Variants in NOD2 observed in about 807,000 individuals in gnomAD.
NOD2 encodes the protein nucleotide binding oligomerization domain containing 2, also known as nucleotide-binding oligomerization domain-containing protein 2.
A neutral mutation model predicts 90.9 loss-of-function variants in NOD2; 86 were observed. The observed-to-expected ratio is 0.95, with a 90% confidence interval of 0.79 to 1.13. The LOEUF is 1.13. Ranked by LOEUF, NOD2 falls within the 50% of genes most tolerant of loss-of-function variation. The pLI is 0.00. For synonymous variants in NOD2, 581 were observed against 554.6 expected (o/e 1.05, Z -0.67); for missense variants, 1,238 against 1,283.8 (o/e 0.96, Z 0.55).
At chr16:50,714,912 C>A (rs984151375) in intron 4 of NOD2, among the ~76,000 whole-genome samples, 2 of 152,158 alleles carry the variant, frequency 1.3e-5, no homozygotes, top group Non-Finnish European at 2.9e-5. Flanking sequence ...GCACGCACCA[C>A]CATGTAAACA....
Position 50,723,305 on chromosome 16 carries a change from G to A in NOD2, c.2722G>A (p.Val908Met), listed in dbSNP as rs746911440. 3.1e-6 allele frequency: 5 copies of A among 1,613,796 alleles called. No individual in the cohort carries two copies. Among genetic ancestry groups the A allele is most frequent in the African/African-American group, 1.3e-5 (1 of 75,000 alleles). Residue 908 changes from valine to methionine, a missense_variant, in exon 9 of 12, where the codon GTG becomes ATG. By Grantham distance (21) the Val-to-Met change is conservative. Around this residue, in one of 3 missense-constraint regions of NOD2, gnomAD observed 667 missense variants for 688.7 expected, o/e 0.97. Transcript: ENST00000647318. Reference sequence around the variant, plus strand: ...TTGTTCCATGATTACCTCCAGCCTGGTGGGGAACAACATTGGCAGTGTGGG... The same window carrying A: ...TTGTTCCATGATTACCTCCAGCCTGATGGGGAACAACATTGGCAGTGTGGG... ...DHQSLRWLSL[V>M]GNNIGSVGAQ...
In NOD2 at chr16:50,712,100, C is replaced by T. The variant is rs375016055; in HGVS notation, c.2108C>T (p.Ala703Val). 3.7e-6 allele frequency: 6 copies of T among 1,613,822 alleles called. No individual in the cohort carries two copies. The African/African-American group carries it at 8.0e-5, about 22-fold the overall frequency. The change falls in exon 4 of 12, where the codon GCC becomes GTC. Residue 703 changes from alanine (A) to valine (V), a missense_variant. Ala to Val is a moderately conservative substitution (Grantham distance 64). Coordinates refer to ENST00000647318, the MANE Select transcript of NOD2 (RefSeq NM_001370466.1). ...HSIPPAAPGE[A>V]KSVHAMPGFI... ...ATCCCGCCAGCTGCACCGGGTGAGG[C>T]CAAGAGCGTGCATGCCATGCCCGGG...
rs117149242 is a variant in NOD2 at position 50,706,457 on chromosome 16, G to A, written c.460-1398G>A. Among the ~76,000 whole-genome samples, 112 of 152,202 alleles carry A rather than the reference G, an allele frequency of 7.4e-4. No homozygotes were observed. In the East Asian group the frequency reaches 0.021, roughly 29 times the overall value. ...TGTGGGGGCAGGAACAGAAGCAGGG[G>A]GACCAGTTTTGCAGCCTGTGCAGCT... On this transcript the variant is annotated intron_variant, in intron 2 of 11. Transcript: ENST00000647318.
At chr16:50,709,001 A>G (rs1964331743) in intron 3 of NOD2, among the ~76,000 whole-genome samples, 1 of 152,224 alleles carries the variant, frequency 6.6e-6, no homozygotes, top group Admixed American at 6.5e-5. Context: ...AAGATTCCCC[A>G]CACTTCTAAA....
At chr16:50,725,042 T>G (rs989417233) in intron 9 of NOD2, among the ~76,000 whole-genome samples, 1 of 152,222 alleles carries the variant, frequency 6.6e-6, no homozygotes, top group Non-Finnish European at 1.5e-5. Context: ...AGGAAAGCCA[T>G]CTGGGTTCTC....
At chr16:50,709,909 A>C (rs1423838243) in intron 3 of NOD2, 1 of 452,364 alleles carries the variant, frequency 2.2e-6, no homozygotes, top group East Asian at 7.0e-5. Context: ...TCCTGAAAAA[A>C]TCCTTCCAGG....
chr16:50,704,028 T>C (rs1213204652), intron 2 of NOD2, among the ~76,000 whole-genome samples: 1 of 152,038 alleles, frequency 6.6e-6, no homozygotes, highest in Non-Finnish European at 1.5e-5. Context: ...TCCTGTGGAG[T>C]GAAATGAATG....
chr16:50,708,597 A>C (rs1964311639), intron 3 of NOD2, among the ~76,000 whole-genome samples: 2 of 152,312 alleles, frequency 1.3e-5, no homozygotes, highest in South Asian at 4.1e-4. Flanking sequence ...CTGATTGTAA[A>C]TTGTCCCCAC....
intron 3 of NOD2, 37 bp downstream of exon 3, chr16:50,707,997 G>A: frequency 7.3e-7 from 1 of 1,362,960 alleles, no homozygotes. Flanking sequence ...AAAGGGAAGG[G>A]CAGTCAGTGC....
In NOD2 at chr16:50,711,176, T is replaced by G. The variant is rs768497619; in HGVS notation, c.1184T>G (p.Val395Gly). The G allele has an allele frequency of 3.7e-6, 6 of 1,613,974 alleles. No individual in the cohort carries two copies. In the Admixed American group the frequency reaches 5.0e-5, roughly 13 times the overall value. Residue 395 changes from valine (V) to glycine (G), a missense_variant, in exon 4 of 12, where the codon GTG (valine) becomes GGG (glycine). Coordinates refer to ENST00000647318, the MANE Select transcript of NOD2 (RefSeq NM_001370466.1). Reference protein sequence around the residue: ...QGNLLKNARKVVTSRPAAVSA... With the variant: ...QGNLLKNARKGVTSRPAAVSA... ...AACCTGCTGAAGAATGCCCGCAAGG[T>G]GGTGACCAGCCGTCCGGCCGCTGTG...
chr16:50,710,320 ACT>A (rs1964401736), intron 3 of NOD2, among the ~76,000 whole-genome samples: 1 of 152,136 alleles, frequency 6.6e-6, no homozygotes, highest in South Asian at 2.1e-4. Flanking sequence ...TCCGTGTAAA[ACT>A]CTGTGAGGTA....
intron 1 of NOD2, chr16:50,697,807 G>T: frequency 4.6e-6 from 1 of 215,248 alleles, no homozygotes; most frequent in South Asian, 6.0e-5. Context: ...CCCCAGCAGC[G>T]TTCTGAGAGA....
intron 1 of NOD2, among the ~76,000 whole-genome samples, chr16:50,698,555 C>T (rs1442868634): frequency 6.6e-6 from 1 of 152,186 alleles, no homozygotes; most frequent in African/African-American, 2.4e-5. Flanking sequence ...GGCTTGGGGC[C>T]CCCGTGGGGA....
rs72796353 is a variant in NOD2 at position 50,712,383 on chromosome 16, A to C, written c.2381+10A>C. The C allele has an allele frequency of 0.014, 23,333 of 1,613,204 alleles. 240 individuals carry two copies. Among genetic ancestry groups the C allele is most frequent in the Non-Finnish European group, 0.016 (18,901 of 1,180,010 alleles). On this transcript the variant is annotated intron_variant, in intron 4 of 11. Coordinates refer to ENST00000647318, the MANE Select transcript of NOD2 (RefSeq NM_001370466.1). ...TCTGCAAGGCTCTGTAGTGAGTGTT[A>C]CTGGGCATTGCTGTTCAGGTATGGG...
chr16:50,701,102 A>G (rs977270967), intron 2 of NOD2, among the ~76,000 whole-genome samples: 2 of 152,240 alleles, frequency 1.3e-5, no homozygotes, highest in African/African-American at 4.8e-5. Flanking sequence ...CACAGTAGTT[A>G]ATGAGGGGGC....
chr16:50,726,478 A>G (rs1289198351), intron 10 of NOD2, among the ~76,000 whole-genome samples: 1 of 152,224 alleles, frequency 6.6e-6, no homozygotes, highest in Non-Finnish European at 1.5e-5. Context: ...ATATTTGGAG[A>G]AAACACTTCC....
intron 7 of NOD2, among the ~76,000 whole-genome samples, chr16:50,721,052 G>A (rs1047724638): frequency 5.3e-5 from 8 of 151,550 alleles, no homozygotes; most frequent in African/African-American, 1.2e-4. Flanking sequence ...TGATCCGCCC[G>A]CCTCGGCCTC....
chr16:50,696,962 T>C (rs1354565650), intron 1 of NOD2, among the ~76,000 whole-genome samples: 11 of 152,240 alleles, frequency 7.2e-5, no homozygotes, highest in Non-Finnish European at 2.9e-5. Context: ...ACTTGTGGCC[T>C]GTCCCCTCGT....
chr16:50,719,821 G>T, intron 6 of NOD2, 104 bp from the exon 7 acceptor site: 1 of 1,029,078 alleles, frequency 9.7e-7, no homozygotes, highest in Non-Finnish European at 1.5e-6. Context: ...CTCCCGGGCA[G>T]GTCTTCAATG....
Sources: allele counts gnomAD v4.1 joint callset (sites outside exome capture counted in the v4.1 genomes callset), GRCh38; gene constraint gnomAD v4.1.1; regional missense constraint gnomAD v4.1.1; transcripts MANE v1.5; gene names NCBI Gene and HGNC (gene_info 2026-07-23, HGNC 2026-07-21).